Variants in MTMR7 observed in about 807,000 individuals in gnomAD.
The protein encoded by MTMR7 is phosphatidylinositol-3-phosphate phosphatase MTMR7.
In MTMR7, 76 loss-of-function variants were observed where a neutral mutation model predicts 81.2. That is an observed-to-expected ratio of 0.94 (90% confidence interval 0.78 to 1.13). MTMR7 has a LOEUF of 1.13. Among genes scored for constraint, MTMR7 ranks in the 50% most tolerant of loss-of-function variants. MTMR7 has a pLI of 0.00. For missense variants in MTMR7, 1,044 were observed against 820.0 expected (o/e 1.27, Z -3.34); for synonymous variants, 372 against 289.8 (o/e 1.28, Z -2.88).
intron 6 of MTMR7, among the ~76,000 whole-genome samples, chr8:17,341,133 C>T (rs1242121688): frequency 6.6e-6 from 1 of 152,206 alleles, no homozygotes; most frequent in East Asian, 1.9e-4. Flanking sequence ...GTGCCCAGCA[C>T]AATGCTAGGG....
Position 17,313,295 on chromosome 8 carries a change from T to G in MTMR7, c.972A>C (p.Ala324=), listed in dbSNP as rs909076053. Residue 324 remains alanine, a synonymous_variant, in exon 8 of 14, where the codon GCA becomes GCC. Transcript: ENST00000180173. ...KAIMDAGIFI[A]KAVSEEGASV... Reference sequence around the variant, plus strand: ...TATTTTCTCTGCAATTGCATACCTTTGCAATGAAGATTCCTGCATCCATTA... The same window carrying G: ...TATTTTCTCTGCAATTGCATACCTTGGCAATGAAGATTCCTGCATCCATTA... 4.4e-6 allele frequency: 7 copies of G among 1,608,326 alleles called. No homozygotes were observed. The highest frequency in any genetic ancestry group is 6.0e-6 in the Non-Finnish European group (7 of 1,175,314).
intron 1 of MTMR7, among the ~76,000 whole-genome samples, chr8:17,396,584 C>T (rs1821258359): frequency 6.6e-6 from 1 of 152,136 alleles, no homozygotes; most frequent in South Asian, 2.1e-4. Flanking sequence ...AACTTGAATT[C>T]TGGCAAGCCT....
chr8:17,353,940 C>G (rs1018924630), intron 4 of MTMR7, among the ~76,000 whole-genome samples: 3 of 152,178 alleles, frequency 2.0e-5, no homozygotes, highest in African/African-American at 4.8e-5. Context: ...GCTGCAAGAG[C>G]AGAAATGAGT....
At chr8:17,399,839 AG>A (rs147301351) in intron 1 of MTMR7, among the ~76,000 whole-genome samples, 6,912 of 151,470 alleles carry the variant, frequency 0.046, 239 homozygotes, top group Non-Finnish European at 0.069. Flanking sequence ...AAGAAAACAT[AG>A]TACATATATA....
At chr8:17,311,469 T>G in intron 9 of MTMR7, 42 bp downstream of exon 9, 1 of 1,612,962 alleles carries the variant, frequency 6.2e-7, no homozygotes, top group Non-Finnish European at 8.5e-7. Context: ...CCATTCCTGG[T>G]CAAGGCACCG....
intron 7 of MTMR7, among the ~76,000 whole-genome samples, chr8:17,317,894 T>G (rs1361585690): frequency 6.6e-6 from 1 of 152,192 alleles, no homozygotes; most frequent in Non-Finnish European, 1.5e-5. Flanking sequence ...CAATCTCCCG[T>G]CCTTCTGTAT....
chr8:17,322,933 A>C (rs1031947756), intron 7 of MTMR7, among the ~76,000 whole-genome samples: 2 of 146,148 alleles, frequency 1.4e-5, no homozygotes, highest in East Asian at 4.2e-4. Flanking sequence ...CCTCCCATCT[A>C]GAGTGGATTG....
At chr8:17,376,737 T>C (rs555409412) in intron 1 of MTMR7, among the ~76,000 whole-genome samples, 91 of 152,322 alleles carry the variant, frequency 6.0e-4, no homozygotes, top group African/African-American at 2.1e-3. Flanking sequence ...TATTATCTTT[T>C]ACCATTGAGT....
chr8:17,343,415 G>C (rs1258681867), intron 5 of MTMR7, among the ~76,000 whole-genome samples: 3 of 151,906 alleles, frequency 2.0e-5, no homozygotes, highest in East Asian at 1.9e-4. Flanking sequence ...GGGCGACAGT[G>C]AAACTCCATC....
intron 2 of MTMR7, chr8:17,372,862 C>G: frequency 2.8e-6 from 1 of 363,064 alleles, no homozygotes. Context: ...ACAGCTGTGA[C>G]AGGAAGCACT....
At chr8:17,349,859 G>C (rs1363316804) in intron 4 of MTMR7, among the ~76,000 whole-genome samples, 2 of 152,174 alleles carry the variant, frequency 1.3e-5, no homozygotes, top group Non-Finnish European at 2.9e-5. Flanking sequence ...GAAATCAGCA[G>C]TTTAGGACCT....
intron 6 of MTMR7, among the ~76,000 whole-genome samples, chr8:17,335,939 C>T (rs1350415199): frequency 6.6e-6 from 1 of 152,146 alleles, no homozygotes; most frequent in Non-Finnish European, 1.5e-5. Context: ...GCCCACCCTC[C>T]CTCTCCTCTT....
At chr8:17,332,011 C>T (rs1427107333) in intron 6 of MTMR7, among the ~76,000 whole-genome samples, 2 of 152,098 alleles carry the variant, frequency 1.3e-5, no homozygotes, top group African/African-American at 4.8e-5. Flanking sequence ...CAAACACTGT[C>T]CTAGCCTGCG....
At position 17,363,112 on chromosome 8, in the gene MTMR7, C is replaced by T. The variant is rs1273599354; in HGVS notation, c.311-1838G>A. 2.6e-5 allele frequency among the ~76,000 whole-genome samples: 4 copies of T among 152,198 alleles called. No homozygotes were observed. The South Asian group carries it at 6.2e-4, about 24-fold the overall frequency. ...GTGCTCACACACAAACCAGAGCAGA[C>T]GCGTTCCGTAAAATCAATTTCTTAT... On this transcript the variant is annotated intron_variant, in intron 3 of 13. Coordinates refer to ENST00000180173, the MANE Select transcript of MTMR7 (RefSeq NM_004686.5).
Position 17,305,754 on chromosome 8 carries a change from TAC to T in MTMR7, c.1352+1_1352+2del. 1 of 1,603,460 alleles carries T rather than the reference TAC, an allele frequency of 6.2e-7. No homozygotes were observed. The highest frequency in any genetic ancestry group is 8.5e-7 in the Non-Finnish European group (1 of 1,171,436). ...TAAACACCAAAAACACCAAAACACTTACTTGAGTTCTCGTCTCTCCTTTTGGC... is the reference window on the plus strand; with the variant it reads ...TAAACACCAAAAACACCAAAACACTTTTGAGTTCTCGTCTCTCCTTTTGGC... On this transcript the variant is annotated splice_donor_variant, in intron 11 of 13. Coordinates refer to ENST00000180173, the MANE Select transcript of MTMR7 (RefSeq NM_004686.5). LOFTEE classifies it high-confidence loss of function.
At chr8:17,359,220 T>C (rs1230118670) in intron 4 of MTMR7, among the ~76,000 whole-genome samples, 2 of 152,058 alleles carry the variant, frequency 1.3e-5, no homozygotes, top group African/African-American at 4.8e-5. Flanking sequence ...AATAAAGAAA[T>C]ACTTTAGTAC....
At chr8:17,371,851 G>GTTTTTTTTTTTTTTTTTTTTTTTTTTTTT (rs33920646) in intron 2 of MTMR7, among the ~76,000 whole-genome samples, 2 of 104,818 alleles carry the variant, frequency 1.9e-5, no homozygotes, top group Non-Finnish European at 3.9e-5. Flanking sequence ...CTTACCTATA[G>GTTTTTTTTTTTTTTTTTTTTTTTTTTTTT]TTTTTTTTTT....
In MTMR7 at chr8:17,311,374, T is replaced by C. The variant is rs1586156676; in HGVS notation, c.1101+137A>G. 8.0e-6 allele frequency: 9 copies of C among 1,120,266 alleles called. No homozygotes were observed. The East Asian group carries it at 2.1e-4, about 26-fold the overall frequency. The allele number at this position is 1,120,266 out of a possible 1,614,324, so 69.4% of individuals were successfully genotyped here. ...TGCTGATTAAATTAATCTTGATCTC[T>C]TCCCCTTTAATCTTGCTGAGCTACT... On this transcript the variant is annotated intron_variant, in intron 9 of 13. Transcript: ENST00000180173.
chr8:17,396,178 A>C (rs1821242139), intron 1 of MTMR7, among the ~76,000 whole-genome samples: 1 of 152,166 alleles, frequency 6.6e-6, no homozygotes, highest in South Asian at 2.1e-4. Context: ...GAGATGACCA[A>C]ATAGAAGCCT....
Sources: allele counts gnomAD v4.1 joint callset (sites outside exome capture counted in the v4.1 genomes callset), GRCh38; gene constraint gnomAD v4.1.1; transcripts MANE v1.5; gene names NCBI Gene and HGNC (gene_info 2026-07-23, HGNC 2026-07-21).